Variants in PTPRT observed in about 807,000 individuals in gnomAD.
PTPRT encodes the protein protein tyrosine phosphatase receptor type T.
In PTPRT, 56 loss-of-function variants were observed where a neutral mutation model predicts 176.8. The ratio of observed to expected loss-of-function variants is 0.32; its 90% confidence interval spans 0.26 to 0.40. The LOEUF is 0.40. PTPRT is among the 10% of genes least tolerant of loss of function. The pLI is 1.00. For synonymous variants in PTPRT, 783 were observed against 739.0 expected (o/e 1.06, Z -0.96); for missense variants, 1,540 against 1,908.2 (o/e 0.81, Z 3.60).
chr20:42,323,241 C>A (rs2057829391), intron 11 of PTPRT, among the ~76,000 whole-genome samples: 1 of 152,102 alleles, frequency 6.6e-6, no homozygotes, highest in Admixed American at 6.5e-5. Flanking sequence ...ACCATTTGAC[C>A]CAGCCATCCC....
chr20:42,088,915 T>A (rs1457921072), intron 27 of PTPRT, among the ~76,000 whole-genome samples: 1 of 152,238 alleles, frequency 6.6e-6, no homozygotes, highest in African/African-American at 2.4e-5. Context: ...ATACCATTGT[T>A]GAATCCATCA....
At chr20:42,827,422 T>G (rs2078013685) in intron 2 of PTPRT, among the ~76,000 whole-genome samples, 1 of 152,104 alleles carries the variant, frequency 6.6e-6, no homozygotes, top group Non-Finnish European at 1.5e-5. Context: ...TGCAATTTTA[T>G]GAAAATTAAA....
At chr20:43,132,019 C>A (rs2013660863) in intron 1 of PTPRT, among the ~76,000 whole-genome samples, 2 of 152,044 alleles carry the variant, frequency 1.3e-5, no homozygotes, top group African/African-American at 4.8e-5. Context: ...TACACACACA[C>A]ACACACACAG....
intron 1 of PTPRT, among the ~76,000 whole-genome samples, chr20:43,094,169 C>T (rs556986801): frequency 4.9e-4 from 74 of 150,136 alleles, no homozygotes; most frequent in Middle Eastern, 3.5e-3. Context: ...CTCACTGCAA[C>T]GTCCACCTCC....
chr20:43,082,142 T>C (rs559416656), intron 1 of PTPRT, among the ~76,000 whole-genome samples: 1 of 152,350 alleles, frequency 6.6e-6, no homozygotes, highest in African/African-American at 2.4e-5. Flanking sequence ...TCTTTGTTTA[T>C]GTGACTGTCT....
At chr20:43,023,624 C>G (rs1029304967) in intron 1 of PTPRT, among the ~76,000 whole-genome samples, 2 of 152,158 alleles carry the variant, frequency 1.3e-5, no homozygotes, top group Non-Finnish European at 2.9e-5. Flanking sequence ...AATATCTGTT[C>G]AATGTTTAGA....
chr20:42,499,648 G>C (rs1189699208), intron 7 of PTPRT, among the ~76,000 whole-genome samples: 1 of 152,122 alleles, frequency 6.6e-6, no homozygotes, highest in Non-Finnish European at 1.5e-5. Flanking sequence ...TGATAAAATA[G>C]ACTACTATCT....
rs1211090331 is a variant in PTPRT, at chr20:43,024,644, T to G, written c.89-138712A>C. Reference sequence around the variant, plus strand: ...TCCCATGTGAATTGAATATGCAACTTAAAATGCTTACATGAAATGGTATTA... The same window carrying G: ...TCCCATGTGAATTGAATATGCAACTGAAAATGCTTACATGAAATGGTATTA... On this transcript the variant is annotated intron_variant, in intron 1 of 30. Coordinates refer to ENST00000373187, the MANE Select transcript of PTPRT (RefSeq NM_007050.6). Among the ~76,000 whole-genome samples, 12 of 151,552 alleles carry G rather than the reference T, an allele frequency of 7.9e-5. No homozygotes were observed. In the South Asian group the frequency reaches 2.5e-3, roughly 32 times the overall value.
rs368968288 is a variant in PTPRT, at chr20:42,199,381, C to T, written c.2350G>A (p.Ala784Thr). 1.2e-6 allele frequency: 2 copies of T among 1,613,444 alleles called. No homozygotes were observed. Among genetic ancestry groups the T allele is most frequent in the African/African-American group, 1.3e-5 (1 of 74,902 alleles). ...AYSYSYYLKL[A>T]KKQKETQSGA... ...CTCTGGGTCTCCTTCTGCTTCTTGGCCAGCTTCCTTTGGGACATGTGCAAG... is the reference window on the plus strand; with the variant it reads ...CTCTGGGTCTCCTTCTGCTTCTTGGTCAGCTTCCTTTGGGACATGTGCAAG... The change falls in exon 16 of 31, where the codon GCC becomes ACC. Residue 784 changes from alanine to threonine, a missense_variant. By Grantham distance (58) the Ala-to-Thr change is moderately conservative. Around this residue, in one of 11 missense-constraint regions of PTPRT, gnomAD observed 255 missense variants for 250.1 expected, o/e 1.02. Coordinates refer to ENST00000373187, the MANE Select transcript of PTPRT (RefSeq NM_007050.6).
Position 42,199,290 on chromosome 20 carries a change from C to A in PTPRT, c.2441G>T (p.Ser814Ile). ...AGAAGAGAAGCCTTCATCATTGCGG[C>A]TGGCGCTGAGCTTGGTGGTGGGTTT... Reference protein sequence around the residue: ...ADKPTTKLSASRNDEGFSSSS... With the variant: ...ADKPTTKLSAIRNDEGFSSSS... The change falls in exon 16 of 31, where the codon AGC (serine) becomes ATC (isoleucine). Residue 814 changes from serine (S) to isoleucine (I), a missense_variant. By Grantham distance (142) the Ser-to-Ile change is moderately radical (BLOSUM62 -2). This residue lies in a region of PTPRT where 255 missense variants were observed against 250.1 expected (regional missense o/e 1.02). Transcript: ENST00000373187. 6.2e-7 allele frequency: 1 copy of A among 1,614,192 alleles called. No individual in the cohort carries two copies. Among genetic ancestry groups the A allele is most frequent in the Non-Finnish European group, 8.5e-7 (1 of 1,180,028 alleles).
intron 9 of PTPRT, among the ~76,000 whole-genome samples, chr20:42,389,321 A>T (rs540637565): frequency 2.6e-4 from 39 of 152,270 alleles, no homozygotes; most frequent in Middle Eastern, 3.4e-3. Flanking sequence ...TCTCAAGGTA[A>T]ATTAGGTCCT....
chr20:42,697,790 C>G (rs2146145757), intron 6 of PTPRT, among the ~76,000 whole-genome samples: 1 of 152,326 alleles, frequency 6.6e-6, no homozygotes, highest in Non-Finnish European at 1.5e-5. Flanking sequence ...ATACCTTGGC[C>G]TATTCAATGG....
At chr20:42,170,173 T>C (rs1990017943) in intron 16 of PTPRT, among the ~76,000 whole-genome samples, 1 of 152,208 alleles carries the variant, frequency 6.6e-6, no homozygotes, top group Non-Finnish European at 1.5e-5. Flanking sequence ...GATAAGAGGA[T>C]GAAGAGGAGA....
Position 42,577,663 on chromosome 20 carries a change from G to A in PTPRT, c.1153+100203C>T, listed in dbSNP as rs534207848. 2.5e-3 allele frequency among the ~76,000 whole-genome samples: 375 copies of A among 152,190 alleles called. 2 individuals carry two copies. The highest frequency in any genetic ancestry group is 8.8e-3 in the African/African-American group (364 of 41,538). On this transcript the variant is annotated intron_variant, in intron 7 of 30. Transcript: ENST00000373187. ...CTAGACTGCTTTCTCCATCTAGTTC[G>A]GCCACCACAGAGGGTCAGGGCTACC...
intron 2 of PTPRT, among the ~76,000 whole-genome samples, chr20:42,865,566 C>G (rs2078732653): frequency 6.6e-6 from 1 of 152,154 alleles, no homozygotes; most frequent in Non-Finnish European, 1.5e-5. Context: ...GTGTTAAATG[C>G]AAAATTACAC....
chr20:43,162,118 C>T (rs375562712), intron 1 of PTPRT, among the ~76,000 whole-genome samples: 5 of 152,124 alleles, frequency 3.3e-5, no homozygotes, highest in Middle Eastern at 6.8e-3. Flanking sequence ...TTCAGTAAAA[C>T]AAAATAAAAA....
the PTPRT span, among the ~76,000 whole-genome samples, chr20:42,065,757 G>A: frequency 1.6e-3 from 243 of 152,230 alleles, 1 homozygote; most frequent in African/African-American, 5.1e-3. Flanking sequence ...GAGGGTGAGC[G>A]GTGTAATCTT....
chr20:42,846,092 T>A (rs181736093), intron 2 of PTPRT, among the ~76,000 whole-genome samples: 1 of 152,310 alleles, frequency 6.6e-6, no homozygotes, highest in African/African-American at 2.4e-5. Context: ...CCAGCCTCCG[T>A]GTGTCACCCA....
chr20:42,938,680 C>G lies in PTPRT; in HGVS notation c.89-52748G>C, dbSNP rs761718873. Reference sequence around the variant, plus strand: ...TATTTCCAGCCTAACTCCCTCCCCCCCATGCTTGCTAGAGAGTGCTCCATT... The same window carrying G: ...TATTTCCAGCCTAACTCCCTCCCCCGCATGCTTGCTAGAGAGTGCTCCATT... On this transcript the variant is annotated intron_variant, in intron 1 of 30. Transcript: ENST00000373187. Among the ~76,000 whole-genome samples the G allele has an allele frequency of 1.8e-4, 28 of 152,276 alleles. No individual in the cohort carries two copies. The South Asian group carries it at 3.3e-3, about 18-fold the overall frequency.
Sources: allele counts gnomAD v4.1 joint callset (sites outside exome capture counted in the v4.1 genomes callset), GRCh38; gene constraint gnomAD v4.1.1; regional missense constraint gnomAD v4.1.1; transcripts MANE v1.5; gene names NCBI Gene and HGNC (gene_info 2026-07-23, HGNC 2026-07-21).